The following FGF3 variants were observed in gnomAD, a reference collection of about 807,000 sequenced individuals.
FGF3 encodes fibroblast growth factor 3, also known as FGF-3.
In FGF3, 7 loss-of-function variants were observed where a neutral mutation model predicts 9.8. The observed-to-expected ratio is 0.72, with a 90% CI of 0.41 to 1.35. The LOEUF is 1.35. FGF3 is among the 40% of genes most tolerant of loss of function. The pLI, the probability that FGF3 is intolerant of heterozygous loss-of-function variation, is 0.01. For missense variants in FGF3, 390 were observed against 345.6 expected, an observed-to-expected ratio of 1.13 and a Z score of -1.02; for synonymous variants, 173 against 157.2, an observed-to-expected ratio of 1.10 and a Z score of -0.75.
chr11:69,814,390 G>A (rs11263590), intron 2 of FGF3, among the ~76,000 whole-genome samples: 28,955 of 151,652 alleles, frequency 0.19, 3,553 homozygotes, highest in East Asian at 0.4. Context: ...CTGGTGGGGC[G>A]ATGATTAAGA....
chr11:69,810,587 C>T lies in FGF3; in HGVS notation c.438G>A (p.Gln146=), dbSNP rs1554980355. The T allele has an allele frequency of 1.2e-5, 20 of 1,611,386 alleles. No homozygotes were observed. The highest frequency in any genetic ancestry group is 1.7e-5 in the Non-Finnish European group (20 of 1,178,758). ...CGTACCACAGTCTCTCGGCGCTGGG[C>T]TGCCGGCGGGCCCCAGGCGTACTAG... is the stretch of plus-strand genomic sequence containing the variant. The part of the protein sequence containing the change: ...TVSSTPGARR[Q]PSAERLWYVS... The change falls in exon 3 of 3, where the codon CAG becomes CAA. Residue 146 remains glutamine (Q), a synonymous_variant. Coordinates refer to ENST00000334134, the MANE Select transcript of FGF3 (RefSeq NM_005247.4).
intron 1 of FGF3, chr11:69,817,691 G>T (rs1856158738): frequency 6.6e-6 from 1 of 152,322 alleles, no homozygotes; most frequent in South Asian, 2.1e-4. Context: ...GGCCGCCGCC[G>T]CCACCTTCAA....
Position 69,814,714 on chromosome 11 carries a change from G to T in FGF3, c.324+1606C>A, listed in dbSNP as rs183729535. Among the ~76,000 whole-genome samples, 5 of 152,266 alleles carry T rather than the reference G, an allele frequency of 3.3e-5. No homozygotes were observed. In the East Asian group the frequency reaches 9.6e-4, roughly 29 times the overall value. On this transcript the variant is annotated intron_variant, in intron 2 of 2. Transcript: ENST00000334134. Reference sequence around the variant, plus strand: ...TCCCAGGTTGTCTGCAGGGCAATGGGAACTTCTCCACTGGGCACTCTGGAA... The same window carrying T: ...TCCCAGGTTGTCTGCAGGGCAATGGTAACTTCTCCACTGGGCACTCTGGAA...
intron 2 of FGF3, among the ~76,000 whole-genome samples, chr11:69,814,708 C>A (rs1310027094): frequency 2.0e-5 from 3 of 152,156 alleles, no homozygotes; most frequent in African/African-American, 7.2e-5. Flanking sequence ...GTCTGCAGGG[C>A]AATGGGAACT....
intron 1 of FGF3, among the ~76,000 whole-genome samples, chr11:69,818,406 G>C (rs1395650281): frequency 6.6e-6 from 1 of 152,100 alleles, no homozygotes; most frequent in Non-Finnish European, 1.5e-5. Flanking sequence ...GGGCCGGACC[G>C]GGGACGGACT....
chr11:69,810,328 G>T lies in FGF3; in HGVS notation c.697C>A (p.Gln233Lys), dbSNP rs782483681. ...AGCTAGTGCGCACTGGCCTCCAGCT[G>T]GGAGCCCAGTCTCGAAGCCTGAACG... is the stretch of plus-strand genomic sequence containing the variant. ...SHVQASRLGS[Q>K]LEASAH Residue 233 changes from glutamine (Q) to lysine (K), a missense_variant, in exon 3 of 3, where the codon CAG becomes AAG. By Grantham distance (53) the Gln-to-Lys change is moderately conservative. Coordinates refer to ENST00000334134, the MANE Select transcript of FGF3 (RefSeq NM_005247.4). The T allele has an allele frequency of 6.4e-7, 1 of 1,567,816 alleles. No individual in the cohort carries two copies. The highest frequency in any genetic ancestry group is 2.3e-5 in the East Asian group (1 of 43,134).
At chr11:69,817,613 G>A (rs1241010043) in intron 1 of FGF3, 1 of 152,258 alleles carries the variant, frequency 6.6e-6, no homozygotes. Flanking sequence ...GTGCGGCTCC[G>A]GAGGCGCATG....
intron 2 of FGF3, among the ~76,000 whole-genome samples, chr11:69,812,010 G>A (rs1856038359): frequency 6.6e-6 from 1 of 152,180 alleles, no homozygotes; most frequent in South Asian, 2.1e-4. Flanking sequence ...GCCTTATGCA[G>A]ACCCACTAGG....
chr11:69,816,236 G>T (rs1367571910), intron 2 of FGF3, 84 bp downstream of exon 2: 5 of 1,075,876 alleles, frequency 4.6e-6, no homozygotes, highest in African/African-American at 4.6e-5. Flanking sequence ...GCATTCTACT[G>T]CCCACATCCC....
At chr11:69,812,645 G>A (rs2119913233) in intron 2 of FGF3, among the ~76,000 whole-genome samples, 1 of 152,278 alleles carries the variant, frequency 6.6e-6, no homozygotes, top group East Asian at 1.9e-4. Context: ...GAGCGGGTGG[G>A]CTCAGGGCCG....
At chr11:69,814,279 G>A (rs1000968353) in intron 2 of FGF3, among the ~76,000 whole-genome samples, 2 of 152,002 alleles carry the variant, frequency 1.3e-5, no homozygotes, top group African/African-American at 4.8e-5. Context: ...GAGGTGTGTG[G>A]GCTGAAGAGA....
rs566764532 is a variant in FGF3 at position 69,810,581 on chromosome 11, G to C, written c.444C>G (p.Ser148Arg). The C allele has an allele frequency of 1.4e-5, 22 of 1,611,624 alleles. No individual in the cohort carries two copies. The highest frequency in any genetic ancestry group is 1.9e-5 in the Non-Finnish European group (22 of 1,178,970). Residue 148 changes from serine to arginine, a missense_variant, in exon 3 of 3, where the codon AGC becomes AGG. Coordinates refer to ENST00000334134, the MANE Select transcript of FGF3 (RefSeq NM_005247.4). ...CAGACACGTACCACAGTCTCTCGGCGCTGGGCTGCCGGCGGGCCCCAGGCG... is the reference window on the plus strand; with the variant it reads ...CAGACACGTACCACAGTCTCTCGGCCCTGGGCTGCCGGCGGGCCCCAGGCG... The part of the protein sequence containing the change: ...SSTPGARRQP[S>R]AERLWYVSVN...
Position 69,810,346 on chromosome 11 carries a change from C to T in FGF3, c.679G>A (p.Ala227Thr), listed in dbSNP as rs782683196. Residue 227 changes from alanine (A) to threonine (T), a missense_variant, in exon 3 of 3, where the codon GCT (alanine) becomes ACT (threonine). Physicochemically the swap from Ala to Thr is moderately conservative, Grantham distance 58 (BLOSUM62 0). Coordinates refer to ENST00000334134, the MANE Select transcript of FGF3 (RefSeq NM_005247.4). ...PDNLEPSHVQ[A>T]SRLGSQLEAS... ...TCCAGCTGGGAGCCCAGTCTCGAAGCCTGAACGTGAGAGGGCTCCAGGTTA... is the reference window on the plus strand; with the variant it reads ...TCCAGCTGGGAGCCCAGTCTCGAAGTCTGAACGTGAGAGGGCTCCAGGTTA... 8 of 1,567,994 alleles carry T rather than the reference C, an allele frequency of 5.1e-6. No individual in the cohort carries two copies. The highest frequency in any genetic ancestry group is 4.1e-5 in the African/African-American group (3 of 73,890).
chr11:69,816,511 G>A (rs559883318), intron 1 of FGF3, 88 bp from the exon 2 acceptor site: 11 of 974,344 alleles, frequency 1.1e-5, no homozygotes, highest in African/African-American at 1.6e-5. Flanking sequence ...GCCACACCCC[G>A]GGCTCAGGGC....
chr11:69,810,118 A>T lies in FGF3; in HGVS notation c.*187T>A. On this transcript the variant is annotated 3_prime_UTR_variant, in exon 3 of 3. Transcript: ENST00000334134. ...CCCACAAATGCCCTGCATTGCAGGCAGCCCCCTCCGAGCTCCGACTTGGGC... is the reference window on the plus strand; with the variant it reads ...CCCACAAATGCCCTGCATTGCAGGCTGCCCCCTCCGAGCTCCGACTTGGGC... 1 of 581,382 alleles carries T rather than the reference A, an allele frequency of 1.7e-6. No homozygotes were observed. The highest frequency in any genetic ancestry group is 2.9e-6 in the Non-Finnish European group (1 of 340,340). The allele number at this position is 581,382 out of a possible 1,614,324, so 36.0% of individuals were successfully genotyped here.
Position 69,813,767 on chromosome 11 carries a change from G to GAT in FGF3, c.324+2552_324+2553insAT, listed in dbSNP as rs1554980744. On this transcript the variant is annotated intron_variant, in intron 2 of 2. Transcript: ENST00000334134. ...GGCTGGATGGATGGATGGGTGGATGGGTGGATGGATGGATGGATGGATGGA... is the reference window on the plus strand; with the variant it reads ...GGCTGGATGGATGGATGGGTGGATGGATGTGGATGGATGGATGGATGGATGGA... 3.0e-5 allele frequency among the ~76,000 whole-genome samples: 4 copies of GAT among 133,550 alleles called. No individual in the cohort carries two copies. In the East Asian group the frequency reaches 6.9e-4, roughly 23 times the overall value. The allele number at this position is 133,550 out of a possible 152,430, so 87.6% of individuals were successfully genotyped here. A position where few individuals can be genotyped will look rare whatever the true frequency, so the allele number is the denominator to read the frequency against.
At chr11:69,815,340 G>A (rs1169645905) in intron 2 of FGF3, among the ~76,000 whole-genome samples, 5 of 151,724 alleles carry the variant, frequency 3.3e-5, no homozygotes, top group Non-Finnish European at 7.4e-5. Context: ...GTGGATGGGT[G>A]AATGGGTGGA....
At chr11:69,813,935 GGTT>G (rs1856084508) in intron 2 of FGF3, among the ~76,000 whole-genome samples, 1 of 39,684 alleles carries the variant, frequency 2.5e-5, no homozygotes, top group African/African-American at 8.6e-5. Flanking sequence ...TTGGTGGATG[GGTT>G]GATGGGTGGA....
rs1179896624 is a variant in FGF3, at chr11:69,819,388, C to T, written c.-455G>A. On this transcript the variant is annotated 5_prime_UTR_variant, in exon 1 of 3. Coordinates refer to ENST00000334134, the MANE Select transcript of FGF3 (RefSeq NM_005247.4). Reference sequence around the variant, plus strand: ...GCCGCGGCTCCGCTCCGCAGCGCGCCCCACGCCCCCGAAAGCCCTCCTGGC... The same window carrying T: ...GCCGCGGCTCCGCTCCGCAGCGCGCTCCACGCCCCCGAAAGCCCTCCTGGC... Among the ~76,000 whole-genome samples the T allele has an allele frequency of 6.6e-6, 1 of 151,892 alleles. No individual in the cohort carries two copies. The highest frequency in any genetic ancestry group is 2.4e-5 in the African/African-American group (1 of 41,396).
Sources: gnomAD v4.1 joint callset for allele counts (sites outside exome capture counted in the v4.1 genomes callset) on GRCh38, gnomAD v4.1.1 for gene constraint, MANE v1.5 for transcripts, NCBI Gene and HGNC (gene_info 2026-07-23, HGNC 2026-07-21) for gene names.